The following ASZ1 variants were observed in gnomAD, a reference collection of about 807,000 sequenced individuals.
ASZ1 encodes ankyrin repeat, SAM and basic leucine zipper domain containing 1.
In ASZ1, 67 loss-of-function variants were observed where a neutral mutation model predicts 61.8. The observed-to-expected ratio is 1.08, with a 90% CI of 0.89 to 1.33. ASZ1 has a LOEUF of 1.33. Among genes scored for constraint, ASZ1 ranks in the 40% most tolerant of loss-of-function variants. ASZ1 has a pLI of 0.00. For missense variants in ASZ1, 577 were observed against 554.5 expected, an observed-to-expected ratio of 1.04 and a Z score of -0.41; for synonymous variants, 193 against 192.7, an observed-to-expected ratio of 1.00 and a Z score of -0.01.
chr7:117,422,532 A>G (rs1234184364), intron 2 of ASZ1, among the ~76,000 whole-genome samples, 173 bp from the exon 3 acceptor site: 1 of 152,236 alleles, frequency 6.6e-6, no homozygotes, highest in Non-Finnish European at 1.5e-5. Flanking sequence ...GGACATTAAC[A>G]CAATTTGCTA....
At chr7:117,417,757 T>C (rs1281742994) in intron 4 of ASZ1, among the ~76,000 whole-genome samples, 1 of 152,232 alleles carries the variant, frequency 6.6e-6, no homozygotes, top group African/African-American at 2.4e-5. Context: ...TGAATAGTTT[T>C]TCAGGTTATT....
At chr7:117,393,075 G>T (rs1481113538) in intron 4 of ASZ1, among the ~76,000 whole-genome samples, 1 of 151,832 alleles carries the variant, frequency 6.6e-6, no homozygotes, top group East Asian at 1.9e-4. Context: ...TCAAACTCCT[G>T]ACCTCAGGTG....
intron 2 of ASZ1, among the ~76,000 whole-genome samples, chr7:117,425,489 C>T (rs912368448): frequency 6.6e-6 from 1 of 151,654 alleles, no homozygotes; most frequent in Non-Finnish European, 1.5e-5. Flanking sequence ...AGGATGGTCT[C>T]GATCTCCTGA....
At chr7:117,390,600 G>A (rs1199334309) in intron 4 of ASZ1, among the ~76,000 whole-genome samples, 1 of 152,158 alleles carries the variant, frequency 6.6e-6, no homozygotes, top group Non-Finnish European at 1.5e-5. Flanking sequence ...TTAGTTCTTT[G>A]AGAAATCTCC....
At chr7:117,384,654 A>G in intron 6 of ASZ1, 72 bp downstream of exon 6, 1 of 1,475,638 alleles carries the variant, frequency 6.8e-7, no homozygotes, top group African/African-American at 1.4e-5. Context: ...TTCTAACAGA[A>G]TAATACAAAA....
intron 11 of ASZ1, chr7:117,367,814 A>T: frequency 1.0e-6 from 1 of 990,400 alleles, no homozygotes; most frequent in Admixed American, 6.1e-5. Context: ...GCATTAAAAA[A>T]TTTTCACTAA....
intron 11 of ASZ1, 141 bp downstream of exon 11, chr7:117,368,471 C>A: frequency 7.2e-7 from 1 of 1,394,628 alleles, no homozygotes. Context: ...AACAAATTGA[C>A]TTATTTAGAT....
At chr7:117,377,626 AT>A (rs1796161039) in intron 10 of ASZ1, among the ~76,000 whole-genome samples, 2 of 152,236 alleles carry the variant, frequency 1.3e-5, no homozygotes, top group African/African-American at 4.8e-5. Context: ...TTATACCTAA[AT>A]TAATCAATAG....
intron 12 of ASZ1, among the ~76,000 whole-genome samples, chr7:117,366,344 T>C (rs1795935876): frequency 6.6e-6 from 1 of 152,166 alleles, no homozygotes; most frequent in Non-Finnish European, 1.5e-5. Context: ...GGAACATGTA[T>C]ACAATCTATT....
intron 2 of ASZ1, among the ~76,000 whole-genome samples, chr7:117,423,814 A>T (rs994547689): frequency 4.6e-5 from 7 of 151,638 alleles, no homozygotes; most frequent in African/African-American, 1.7e-4. Flanking sequence ...GTGAGCCAAG[A>T]TCATGCCACT....
intron 10 of ASZ1, among the ~76,000 whole-genome samples, chr7:117,379,133 T>TTATATATATA (rs370500034): frequency 5.7e-5 from 6 of 104,680 alleles, no homozygotes; most frequent in Non-Finnish European, 7.8e-5. Flanking sequence ...TGTGATAAAA[T>TTATATATATA]TATATATATA....
intron 5 of ASZ1, among the ~76,000 whole-genome samples, chr7:117,385,179 A>G (rs1215712535): frequency 6.6e-6 from 1 of 151,834 alleles, no homozygotes; most frequent in Non-Finnish European, 1.5e-5. Context: ...TAGAGCCCAG[A>G]TTTTGCTGTG....
intron 2 of ASZ1, among the ~76,000 whole-genome samples, chr7:117,423,100 A>T (rs982923148): frequency 1.3e-5 from 2 of 152,218 alleles, no homozygotes; most frequent in African/African-American, 4.8e-5. Flanking sequence ...AGGAGGAGGT[A>T]TGATGGACAA....
intron 4 of ASZ1, among the ~76,000 whole-genome samples, chr7:117,410,744 GAA>G (rs140018621): frequency 6.8e-6 from 1 of 146,734 alleles, no homozygotes; most frequent in African/African-American, 2.5e-5. Flanking sequence ...GATGTAAGAG[GAA>G]AAAAAAAATC....
At chr7:117,383,898 T>C (rs1050272299) in intron 6 of ASZ1, among the ~76,000 whole-genome samples, 3 of 152,062 alleles carry the variant, frequency 2.0e-5, no homozygotes, top group Non-Finnish European at 2.9e-5. Flanking sequence ...GTTTATCCTA[T>C]AAAAATTCTG....
Position 117,379,949 on chromosome 7 carries a change from C to G in ASZ1, c.1044G>C (p.Lys348Asn), listed in dbSNP as rs768722711. The change falls in exon 10 of 13, where the codon AAG becomes AAC. Residue 348 changes from lysine to asparagine, a missense_variant. Coordinates refer to ENST00000284629, the MANE Select transcript of ASZ1 (RefSeq NM_130768.3). The part of the protein sequence containing the change: ...IQFGELSEET[K>N]LEISGDEFLN... ...TAAGTTAATTTTACCTGATTTCCAA[C>G]TTTGTCTCTTCAGATAGCTCTCCAA... 3.1e-6 allele frequency: 5 copies of G among 1,587,530 alleles called. No homozygotes were observed. The highest frequency in any genetic ancestry group is 2.7e-5 in the African/African-American group (2 of 74,230).
intron 4 of ASZ1, among the ~76,000 whole-genome samples, chr7:117,406,990 T>C (rs1390838559): frequency 6.6e-6 from 1 of 151,664 alleles, no homozygotes; most frequent in East Asian, 1.9e-4. Flanking sequence ...GAAAATGGAA[T>C]AATAAAAAAT....
chr7:117,365,187 T>C (rs1795911226), intron 12 of ASZ1, among the ~76,000 whole-genome samples: 1 of 152,174 alleles, frequency 6.6e-6, no homozygotes, highest in Non-Finnish European at 1.5e-5. Context: ...GCTCCAAAAT[T>C]TAAGACTTTC....
chr7:117,380,597 T>C (rs117539903), intron 9 of ASZ1, among the ~76,000 whole-genome samples: 3 of 151,728 alleles, frequency 2.0e-5, no homozygotes, highest in Non-Finnish European at 3.0e-5. Flanking sequence ...CGCAGCTATA[T>C]GTTATTAGAT....
Sources: gnomAD v4.1 joint callset for allele counts (sites outside exome capture counted in the v4.1 genomes callset) on GRCh38, gnomAD v4.1.1 for gene constraint, MANE v1.5 for transcripts, NCBI Gene and HGNC (gene_info 2026-07-23, HGNC 2026-07-21) for gene names.